The following CYREN variants were observed in gnomAD, a reference collection of about 807,000 sequenced individuals.
CYREN encodes the protein cell cycle regulator of NHEJ, also known as cell cycle regulator of non-homologous end joining.
CYREN carries 7 observed loss-of-function variants against 9.7 expected under a neutral mutation model. The observed-to-expected ratio is 0.72, with a 90% CI of 0.41 to 1.36. CYREN has a LOEUF of 1.36. Among genes scored for constraint, CYREN ranks in the 40% most tolerant of loss-of-function variants. The pLI is 0.01. For missense variants in CYREN, 215 were observed against 198.1 expected (o/e 1.09, Z -0.51); for synonymous variants, 76 against 77.9 (o/e 0.98, Z 0.13).
downstream of CYREN, chr7:135,164,321 T>G: frequency 5.8e-6 from 6 of 1,032,020 alleles, no homozygotes; most frequent in Non-Finnish European, 8.5e-6. Flanking sequence ...AAACTTGCCA[T>G]GAGTTTGTAA....
At chr7:135,126,027 T>C (rs1174789941) in intron 2 of CYREN, among the ~76,000 whole-genome samples, 2 of 152,052 alleles carry the variant, frequency 1.3e-5, no homozygotes, top group Admixed American at 1.3e-4. Flanking sequence ...CAACATAGTA[T>C]TGGAAGCTCT....
chr7:135,098,703 A>G (rs1280160563), intron 2 of CYREN, among the ~76,000 whole-genome samples: 1 of 152,198 alleles, frequency 6.6e-6, no homozygotes, highest in Non-Finnish European at 1.5e-5. Flanking sequence ...CACTACATCA[A>G]AGAAAGATAT....
At chr7:135,163,925 A>C (rs1285111076), downstream of CYREN, among the ~76,000 whole-genome samples, 1 of 152,220 alleles carries the variant, frequency 6.6e-6, no homozygotes, top group African/African-American at 2.4e-5. Flanking sequence ...GCTCTGATTG[A>C]TCTGTGGCCC....
exon 3 of CYREN, chr7:135,094,229 T>A (rs548614056): frequency 1.6e-5 from 6 of 371,868 alleles, no homozygotes; most frequent in Non-Finnish European, 5.3e-6. Context: ...AAAGTCAACA[T>A]TCCTGTCCTT....
At position 135,166,321 on chromosome 7, in the gene CYREN, G is replaced by C. The variant is rs956831242; in HGVS notation, c.*290C>G. The C allele has an allele frequency of 4.4e-5, 14 of 321,030 alleles. No individual in the cohort carries two copies. The highest frequency in any genetic ancestry group is 2.7e-4 in the African/African-American group (13 of 47,312). The allele number at this position is 321,030 out of a possible 1,614,324, so 19.9% of individuals were successfully genotyped here. On this transcript the variant is annotated 3_prime_UTR_variant, in exon 4 of 4. Transcript: ENST00000393114. ...TGGAACCTGGTCACTGACTAACACAGACAATTGGGACTCCAGAGCCTCAAG... is the reference window on the plus strand; with the variant it reads ...TGGAACCTGGTCACTGACTAACACACACAATTGGGACTCCAGAGCCTCAAG...
In CYREN at chr7:135,170,638, GA is replaced by G. The variant is rs1830599842; in HGVS notation, c.-139+13del. On this transcript the variant is annotated intron_variant, in intron 1 of 3. Coordinates refer to ENST00000393114, the MANE Select transcript of CYREN (RefSeq NM_024033.4). The stretch of plus-strand genomic sequence containing the variant: ...GGAGGCAAATTCCAAGCGGTTGTGG[GA>G]CCCACGCCTCACCCGGAACTTTAAG... The G allele has an allele frequency of 6.6e-6, 1 of 152,278 alleles. No individual in the cohort carries two copies. The highest frequency in any genetic ancestry group is 2.1e-4 in the South Asian group (1 of 4,838). The allele number at this position is 152,278 out of a possible 1,614,324, so 9.4% of individuals were successfully genotyped here.
rs370637796 is a variant in CYREN at position 135,167,957 on chromosome 7, C to A, written c.138-150G>T. 4.8e-5 allele frequency: 66 copies of A among 1,366,412 alleles called. 1 individual carries two copies. In the South Asian group the frequency reaches 8.8e-4, roughly 18 times the overall value. The allele number at this position is 1,366,412 out of a possible 1,614,324, so 84.6% of individuals were successfully genotyped here. On this transcript the variant is annotated intron_variant, in intron 2 of 3. Transcript: ENST00000393114. ...GAGCTGAGGAGCTTTCTGACACGGA[C>A]ACAATTTCCTCAGCCTTGCAGCCCA...
chr7:135,146,843 C>T (rs1019020183), intron 2 of CYREN, among the ~76,000 whole-genome samples: 24 of 152,152 alleles, frequency 1.6e-4, no homozygotes, highest in Admixed American at 1.4e-3. Context: ...GTGGGACTGC[C>T]GATTTTCGTA....
chr7:135,097,995 T>G (rs1410638779), intron 2 of CYREN, among the ~76,000 whole-genome samples: 2 of 152,166 alleles, frequency 1.3e-5, no homozygotes, highest in Non-Finnish European at 2.9e-5. Context: ...TATAATGACA[T>G]TCAATGTGCT....
downstream of CYREN, chr7:135,164,412 C>T (rs530413020): frequency 2.0e-5 from 32 of 1,578,652 alleles, no homozygotes; most frequent in South Asian, 3.4e-4. Flanking sequence ...TGTGACTTCC[C>T]CGCAGGTCCC....
At chr7:135,160,211 G>C (rs1829894032) in intron 2 of CYREN, among the ~76,000 whole-genome samples, 1 of 152,134 alleles carries the variant, frequency 6.6e-6, no homozygotes, top group Admixed American at 6.5e-5. Context: ...ATGACTTTTA[G>C]TCTTTTCTCT....
At chr7:135,113,303 G>T (rs1438476088) in intron 2 of CYREN, among the ~76,000 whole-genome samples, 4 of 152,000 alleles carry the variant, frequency 2.6e-5, no homozygotes, top group Non-Finnish European at 5.9e-5. Flanking sequence ...AACAAAAGTA[G>T]AAATAGAATA....
chr7:135,158,049 T>C (rs191707349), intron 2 of CYREN, among the ~76,000 whole-genome samples: 74 of 151,854 alleles, frequency 4.9e-4, no homozygotes, highest in African/African-American at 1.7e-3. Context: ...CGGGAGAGCA[T>C]AGATTCCTTG....
intron 2 of CYREN, among the ~76,000 whole-genome samples, chr7:135,150,393 T>C (rs945048602): frequency 1.3e-5 from 2 of 152,208 alleles, no homozygotes; most frequent in East Asian, 3.8e-4. Context: ...AAAAAATACA[T>C]TTGGTGTTTG....
In CYREN at chr7:135,168,994, T is replaced by C; in HGVS notation, c.-72A>G. 2.2e-6 allele frequency: 3 copies of C among 1,394,172 alleles called. No individual in the cohort carries two copies. The highest frequency in any genetic ancestry group is 2.9e-6 in the Non-Finnish European group (3 of 1,038,010). 86.4% of individuals were successfully genotyped at this position (1,394,172 alleles called of 1,614,324 possible). A position where few individuals can be genotyped will look rare whatever the true frequency, so the allele number is the denominator to read the frequency against. ...CTGTTTTTTAATTCAGGAAGGTAAA[T>C]CTCGTTCTCTCGTCACACCCGGAAT... On this transcript the variant is annotated 5_prime_UTR_variant, in exon 2 of 4. Transcript: ENST00000393114.
chr7:135,125,297 G>A lies in CYREN; in HGVS notation n.357-30715C>T, dbSNP rs190310293. Among the ~76,000 whole-genome samples, 561 of 152,226 alleles carry A rather than the reference G, an allele frequency of 3.7e-3. 8 individuals are homozygous for A. The highest frequency in any genetic ancestry group is 0.023 in the South Asian group (109 of 4,828). On this transcript the variant is annotated intron_variant and non_coding_transcript_variant, in intron 2 of 2. Transcript: ENST00000459937. ...TGCAAATAAACTAGAAAATCTAGAAGAAATGGAGAAATTCCTGGACACACA... is the reference window on the plus strand; with the variant it reads ...TGCAAATAAACTAGAAAATCTAGAAAAAATGGAGAAATTCCTGGACACACA...
intron 2 of CYREN, among the ~76,000 whole-genome samples, chr7:135,098,997 T>C (rs1246006834): frequency 1.3e-5 from 2 of 152,196 alleles, no homozygotes; most frequent in African/African-American, 4.8e-5. Context: ...TGTTCTACTA[T>C]TACTACTAAT....
At chr7:135,127,446 G>A (rs1387530633) in intron 2 of CYREN, among the ~76,000 whole-genome samples, 1 of 152,060 alleles carries the variant, frequency 6.6e-6, no homozygotes, top group African/African-American at 2.4e-5. Context: ...CCAGCTACTC[G>A]GGAGGCTGAG....
chr7:135,131,590 G>C (rs1426183987), intron 2 of CYREN, among the ~76,000 whole-genome samples: 1 of 151,886 alleles, frequency 6.6e-6, no homozygotes, highest in African/African-American at 2.4e-5. Context: ...AACTGCATAT[G>C]CTAAAAAATG....
Sources: allele counts gnomAD v4.1 joint callset (sites outside exome capture counted in the v4.1 genomes callset), GRCh38; gene constraint gnomAD v4.1.1; transcripts MANE v1.5; gene names NCBI Gene and HGNC (gene_info 2026-07-23, HGNC 2026-07-21).